Variants in FLNC observed in about 807,000 individuals in gnomAD.
FLNC encodes filamin-C.
Under a neutral mutation model 254.3 loss-of-function variants are expected in FLNC, and 91 were observed. That is an observed-to-expected ratio of 0.36 (90% CI 0.30 to 0.43). The LOEUF (loss-of-function observed/expected upper bound fraction) is 0.43, where lower values mean the gene tolerates loss of function less well. Ranked by LOEUF, FLNC falls within the 20% of genes least tolerant of loss-of-function variation. The pLI is 1.00. For synonymous variants in FLNC, 1,430 were observed against 1,577.2 expected (o/e 0.91, Z 2.21); for missense variants, 2,853 against 3,802.6 (o/e 0.75, Z 6.57).
At chr7:128,832,492 AT>A (rs1807932770) in intron 1 of FLNC, among the ~76,000 whole-genome samples, 1 of 152,178 alleles carries the variant, frequency 6.6e-6, no homozygotes, top group Admixed American at 6.5e-5. Context: ...TCGGCAAGAC[AT>A]ATAGGAAACC....
Position 128,846,845 on chromosome 7 carries a change from A to C in FLNC, c.4228A>C (p.Ile1410Leu). Residue 1410 changes from isoleucine (I) to leucine (L), a missense_variant, in exon 24 of 48, where the codon ATC (isoleucine) becomes CTC (leucine). This residue lies in a region of FLNC where 1,573 missense variants were observed against 1,883.5 expected (regional missense o/e 0.84). Transcript: ENST00000325888. ...GGATGGTAGCTGCACCGTGGAGTAC[A>C]TCCCCTTCACTCCTGGAGACTATGA... ...NKDGSCTVEY[I>L]PFTPGDYDVN... The C allele has an allele frequency of 6.2e-7, 1 of 1,614,236 alleles. No individual in the cohort carries two copies. Among genetic ancestry groups the C allele is most frequent in the Non-Finnish European group, 8.5e-7 (1 of 1,180,046 alleles).
intron 16 of FLNC, 78 bp downstream of exon 16, chr7:128,843,032 A>G (rs1474411428): frequency 5.2e-6 from 8 of 1,546,992 alleles, no homozygotes; most frequent in Non-Finnish European, 7.1e-6. Flanking sequence ...GTCACTGGGA[A>G]CAGGGAGGGA....
rs1809138940 is a variant in FLNC at position 128,857,949 on chromosome 7, C to T, written c.7781-59C>T. The T allele has an allele frequency of 3.1e-6, 4 of 1,297,896 alleles. No homozygotes were observed. The highest frequency in any genetic ancestry group is 1.4e-5 in the African/African-American group (1 of 69,068). The allele number at this position is 1,297,896 out of a possible 1,614,324, so 80.4% of individuals were successfully genotyped here. A position where few individuals can be genotyped will look rare whatever the true frequency, so the allele number is the denominator to read the frequency against. On this transcript the variant is annotated intron_variant, in intron 46 of 47. Coordinates refer to ENST00000325888, the MANE Select transcript of FLNC (RefSeq NM_001458.5). This position sits in a 1 kb window ranked among gnomAD's most constrained non-coding sequence, Gnocchi z 4.5. ...GCAGTGCTGGCCGAGGGTCCCCTGC[C>T]TGGGGAAGAACAGGAAGCCCTTCTG...
At chr7:128,852,031 A>G (rs1040306695) in intron 35 of FLNC, among the ~76,000 whole-genome samples, 1 of 151,878 alleles carries the variant, frequency 6.6e-6, no homozygotes, top group Non-Finnish European at 1.5e-5. Context: ...ATGCCTGGCT[A>G]TTTTTTGTAT....
In FLNC at chr7:128,837,756, G is replaced by A; in HGVS notation, c.969+1G>A. ...GGACCCTGAAGGCCACACCGAGGAG[G>A]TATGCAGAGGCCGCTGGGGACAGAG... On this transcript the variant is annotated splice_donor_variant, in intron 5 of 47. Coordinates refer to ENST00000325888, the MANE Select transcript of FLNC (RefSeq NM_001458.5). LOFTEE classifies it high-confidence loss of function. 1 of 1,571,042 alleles carries A rather than the reference G, an allele frequency of 6.4e-7. No homozygotes were observed. The highest frequency in any genetic ancestry group is 8.6e-7 in the Non-Finnish European group (1 of 1,158,562).
chr7:128,834,315 C>T (rs898232328), intron 1 of FLNC, among the ~76,000 whole-genome samples: 2 of 150,232 alleles, frequency 1.3e-5, no homozygotes, highest in African/African-American at 4.9e-5. Flanking sequence ...CTAGGCGCCC[C>T]CCCCCCCCAA....
intron 38 of FLNC, 31 bp from the exon 39 acceptor site, chr7:128,853,684 G>C: frequency 6.2e-7 from 1 of 1,613,948 alleles, no homozygotes; most frequent in African/African-American, 1.3e-5. Flanking sequence ...GGGCTCTGAG[G>C]TTCCTGACCC....
At chr7:128,852,353 T>C (rs1808853184) in intron 35 of FLNC, among the ~76,000 whole-genome samples, 1 of 152,218 alleles carries the variant, frequency 6.6e-6, no homozygotes. Flanking sequence ...CCTTTAGGGA[T>C]TTAGCCCACA....
chr7:128,854,570 G>A lies in FLNC; in HGVS notation c.6885G>A (p.Gln2295=), dbSNP rs1190600895. 2 of 1,609,078 alleles carry A rather than the reference G, an allele frequency of 1.2e-6. No individual in the cohort carries two copies. The highest frequency in any genetic ancestry group is 2.2e-5 in the South Asian group (2 of 90,308). Residue 2295 remains glutamine, a synonymous_variant, in exon 41 of 48, where the codon CAG becomes CAA. Coordinates refer to ENST00000325888, the MANE Select transcript of FLNC (RefSeq NM_001458.5). ...PHTVAVKYRG[Q]HVPGSPFQFT... ...CGGTCGCTGTCAAGTACCGTGGCCA[G>A]CACGTGCCCGGCAGCCCCTTTCAGT...
chr7:128,838,991 C>T (rs1031357737), intron 8 of FLNC, among the ~76,000 whole-genome samples, 188 bp downstream of exon 8: 1 of 152,142 alleles, frequency 6.6e-6, no homozygotes, highest in Admixed American at 6.5e-5. Context: ...AGAACATGTG[C>T]CACCCTGGGA....
chr7:128,839,707 G>A lies in FLNC; in HGVS notation c.1412-316G>A, dbSNP rs1243783837. The stretch of plus-strand genomic sequence containing the variant: ...CTTTGGTGCCCTGAGAGGCCCAGAG[G>A]GCTCTAGATGGATGGCCTTGGGCTG... On this transcript the variant is annotated intron_variant, in intron 8 of 47. Transcript: ENST00000325888. Among the ~76,000 whole-genome samples the A allele has an allele frequency of 2.0e-5, 3 of 152,254 alleles. No homozygotes were observed. The East Asian group carries it at 5.8e-4, about 29-fold the overall frequency.
chr7:128,853,799 C>T lies in FLNC; in HGVS notation c.6446C>T (p.Thr2149Ile). 6.2e-7 allele frequency: 1 copy of T among 1,613,606 alleles called. No homozygotes were observed. The highest frequency in any genetic ancestry group is 8.5e-7 in the Non-Finnish European group (1 of 1,179,986). ...CGGAGACAGGCACCTTCCATCGCCA[C>T]CATCGGCAGCACCTGTGACCTCAAC... The part of the protein sequence containing the change: ...TRRRQAPSIA[T>I]IGSTCDLNLK... Residue 2149 changes from threonine to isoleucine, a missense_variant, in exon 39 of 48, where the codon ACC becomes ATC. Thr to Ile is a moderately conservative substitution (Grantham distance 89, BLOSUM62 -1). Around this residue, in one of 10 missense-constraint regions of FLNC, gnomAD observed 551 missense variants for 835.0 expected, o/e 0.66. Transcript: ENST00000325888.
chr7:128,846,203 A>AGGTGGGC, intron 22 of FLNC, 40 bp downstream of exon 22: 2 of 1,613,330 alleles, frequency 1.2e-6, no homozygotes, highest in Non-Finnish European at 1.7e-6. Context: ...AGGGCTGGGC[A>AGGTGGGC]AGTGGGCAGG....
At position 128,847,788 on chromosome 7, in the gene FLNC, G is replaced by C. The variant is rs1005510680; in HGVS notation, c.4380G>C (p.Arg1460=). The C allele has an allele frequency of 3.7e-6, 6 of 1,613,772 alleles. No individual in the cohort carries two copies. The South Asian group carries it at 6.6e-5, about 18-fold the overall frequency. ...GPGLGAGVRA[R]VPQTFTVDCS... Reference sequence around the variant, plus strand: ...GGCTGGGGGCTGGTGTCAGGGCCCGGGTTCCTCAGACCTTCACAGTGGATT... The same window carrying C: ...GGCTGGGGGCTGGTGTCAGGGCCCGCGTTCCTCAGACCTTCACAGTGGATT... The change falls in exon 25 of 48, where the codon CGG becomes CGC. Residue 1460 remains arginine, a synonymous_variant. Coordinates refer to ENST00000325888, the MANE Select transcript of FLNC (RefSeq NM_001458.5).
chr7:128,853,624 A>T lies in FLNC; in HGVS notation c.6361+3A>T. ...GTTTGCTGACAAGCACGTGCCTGGT[A>T]AGGCTCTGGGCAGAGGTCGGTGGCG... is the stretch of plus-strand genomic sequence containing the variant. On this transcript the variant is annotated splice_donor_region_variant and intron_variant, in intron 38 of 47. Coordinates refer to ENST00000325888, the MANE Select transcript of FLNC (RefSeq NM_001458.5). 1 of 1,614,072 alleles carries T rather than the reference A, an allele frequency of 6.2e-7. No individual in the cohort carries two copies. The highest frequency in any genetic ancestry group is 1.1e-5 in the South Asian group (1 of 91,070).
chr7:128,839,811 C>G (rs1001533046), intron 8 of FLNC, among the ~76,000 whole-genome samples: 2 of 152,336 alleles, frequency 1.3e-5, no homozygotes, highest in Admixed American at 6.5e-5. Flanking sequence ...GGCACTGGCT[C>G]GGAAACTTTC....
chr7:128,852,655 C>T lies in FLNC; in HGVS notation c.5907C>T (p.Ile1969=), dbSNP rs762731664. ...VGTSTDVSLK[I]TESDLSQLTA... ...CCTCCACGGACGTGTCACTGAAGAT[C>T]ACCGAGAGTGATCTGAGCCAGCTGA... is the stretch of plus-strand genomic sequence containing the variant. Residue 1969 remains isoleucine, a synonymous_variant, in exon 36 of 48, where the codon ATC becomes ATT. Transcript: ENST00000325888. The T allele has an allele frequency of 1.9e-6, 3 of 1,613,302 alleles. No homozygotes were observed. In the South Asian group the frequency reaches 3.3e-5, roughly 18 times the overall value.
chr7:128,845,374 T>C, intron 21 of FLNC, 119 bp downstream of exon 21: 1 of 824,092 alleles, frequency 1.2e-6, no homozygotes, highest in Non-Finnish European at 2.0e-6. Context: ...AAGGGAGGGC[T>C]CTCGGAGCAG....
rs1044203041 is a variant in FLNC, at chr7:128,856,429, G to C, written c.7252-89G>C. 4 of 1,550,844 alleles carry C rather than the reference G, an allele frequency of 2.6e-6. No individual in the cohort carries two copies. The African/African-American group carries it at 5.4e-5, about 21-fold the overall frequency. On this transcript the variant is annotated intron_variant, in intron 43 of 47. Coordinates refer to ENST00000325888, the MANE Select transcript of FLNC (RefSeq NM_001458.5). The surrounding 1 kb of genome is among the most constrained non-coding windows in gnomAD (Gnocchi z 5.9). ...GGGGTGGCAGCAGCCTTTGGGCTGG[G>C]CTTACAGTGAGCACCGTGTGGGGCT...
Sources: gnomAD v4.1 joint callset for allele counts (sites outside exome capture counted in the v4.1 genomes callset) on GRCh38, gnomAD v4.1.1 for gene constraint, gnomAD v4.1.1 regional missense constraint, Gnocchi (gnomAD v3.1) non-coding constraint, MANE v1.5 for transcripts, NCBI Gene and HGNC (gene_info 2026-07-23, HGNC 2026-07-21) for gene names.